Variants in KAZN observed in about 807,000 individuals in gnomAD.
KAZN encodes kazrin.
KAZN carries 40 observed loss-of-function variants against 87.4 expected under a neutral mutation model. That is an observed-to-expected ratio of 0.46 (90% CI 0.36 to 0.60). The LOEUF is 0.60. Ranked by LOEUF, KAZN falls within the 20% of genes least tolerant of loss-of-function variation. The pLI is 0.00. For synonymous variants in KAZN, 466 were observed against 458.3 expected (o/e 1.02, Z -0.22); for missense variants, 898 against 1,073.9 (o/e 0.84, Z 2.29).
intron 1 of KAZN, among the ~76,000 whole-genome samples, chr1:14,934,513 T>C (rs1213781103): frequency 6.6e-6 from 1 of 152,224 alleles, no homozygotes; most frequent in East Asian, 1.9e-4. Flanking sequence ...CCCTCCTTTT[T>C]CATAGCATAT....
chr1:14,316,575 C>A (rs1398641880), intron 2 of KAZN, among the ~76,000 whole-genome samples: 1 of 151,134 alleles, frequency 6.6e-6, no homozygotes, highest in Non-Finnish European at 1.5e-5. Context: ...GTTACCTTTA[C>A]TTTCCTTCTA....
At chr1:14,977,732 G>A (rs1220915331) in intron 2 of KAZN, among the ~76,000 whole-genome samples, 1 of 152,182 alleles carries the variant, frequency 6.6e-6, no homozygotes, top group African/African-American at 2.4e-5. Flanking sequence ...TGGCGCCCAG[G>A]AGAGAGGTCC....
intron 2 of KAZN, among the ~76,000 whole-genome samples, chr1:15,020,139 C>G (rs1670521165): frequency 6.6e-6 from 1 of 152,164 alleles, no homozygotes; most frequent in South Asian, 2.1e-4. Flanking sequence ...AGGCGGGTGT[C>G]TACTGACGTC....
intron 1 of KAZN, among the ~76,000 whole-genome samples, chr1:14,056,612 G>C (rs1355257974): frequency 1.3e-5 from 2 of 152,206 alleles, no homozygotes; most frequent in African/African-American, 4.8e-5. Flanking sequence ...AGCAGCAACA[G>C]AAAAGTAATA....
At position 13,978,971 on chromosome 1, in the gene KAZN, C is replaced by A. The variant is rs117160610; in HGVS notation, c.91+85215C>A. Among the ~76,000 whole-genome samples, 53 of 152,110 alleles carry A rather than the reference C, an allele frequency of 3.5e-4. No homozygotes were observed. In the East Asian group the frequency reaches 9.1e-3, roughly 26 times the overall value. ...AATTGCCAAGCATGGTGGCACATGC[C>A]TGTGGTCCCAACTACTTGGGAGGCT... On this transcript the variant is annotated intron_variant, in intron 1 of 16. Coordinates refer to the KAZN transcript ENST00000636203.
intron 2 of KAZN, among the ~76,000 whole-genome samples, chr1:14,249,222 C>T (rs1310306073): frequency 1.3e-5 from 2 of 152,172 alleles, no homozygotes; most frequent in Non-Finnish European, 2.9e-5. Flanking sequence ...TGGTTTGCTA[C>T]ACAGCAATGA....
intron 1 of KAZN, among the ~76,000 whole-genome samples, chr1:14,905,729 G>A (rs181547387): frequency 0.019 from 2,823 of 145,668 alleles, 63 homozygotes; most frequent in African/African-American, 0.057. Flanking sequence ...CTGTAATCCC[G>A]GCTACTCGGG....
chr1:14,718,566 G>A lies in KAZN; in HGVS notation c.226+119343G>A, dbSNP rs569257213. ...AATTATGTGTGATTCTCCTTTTTAT[G>A]TGTCCCTAACATTTAGTTTGCTTTT... On this transcript the variant is annotated intron_variant, in intron 1 of 14. Coordinates refer to ENST00000376030, the MANE Select transcript of KAZN (RefSeq NM_201628.3). Among the ~76,000 whole-genome samples, 3 of 152,268 alleles carry A rather than the reference G, an allele frequency of 2.0e-5. No individual in the cohort carries two copies. The South Asian group carries it at 6.2e-4, about 32-fold the overall frequency.
intron 1 of KAZN, among the ~76,000 whole-genome samples, chr1:14,654,393 G>A (rs1233578819): frequency 6.6e-6 from 1 of 152,076 alleles, no homozygotes; most frequent in Non-Finnish European, 1.5e-5. Context: ...GTCTGTTGGT[G>A]GACAGTCAGC....
intron 1 of KAZN, among the ~76,000 whole-genome samples, chr1:14,754,882 C>T (rs141900086): frequency 3.3e-5 from 5 of 152,124 alleles, no homozygotes; most frequent in Admixed American, 2.0e-4. Context: ...TGAACCTCTG[C>T]CTTTCCCCCA....
intron 1 of KAZN, among the ~76,000 whole-genome samples, chr1:13,915,331 GA>G (rs919941694): frequency 1.3e-5 from 2 of 152,042 alleles, no homozygotes; most frequent in African/African-American, 4.8e-5. Context: ...TTTCAAAGAA[GA>G]AAAAAATGCA....
chr1:14,047,531 C>T (rs1024227698), intron 1 of KAZN, among the ~76,000 whole-genome samples: 9 of 152,132 alleles, frequency 5.9e-5, no homozygotes, highest in Admixed American at 2.0e-4. Context: ...CACCACTGCT[C>T]GCCTGGTTGC....
chr1:14,793,245 C>T (rs774505129), intron 1 of KAZN, among the ~76,000 whole-genome samples: 8 of 152,066 alleles, frequency 5.3e-5, no homozygotes, highest in Non-Finnish European at 8.8e-5. Context: ...ATGGCATCTC[C>T]GGGGGTAGCC....
intron 2 of KAZN, among the ~76,000 whole-genome samples, chr1:14,463,483 A>T (rs35788652): frequency 6.6e-6 from 1 of 152,128 alleles, no homozygotes; most frequent in Non-Finnish European, 1.5e-5. Flanking sequence ...TATTAAGATT[A>T]GTATATTTCT....
At chr1:14,957,021 G>A (rs1557659149) in intron 1 of KAZN, among the ~76,000 whole-genome samples, 1 of 152,098 alleles carries the variant, frequency 6.6e-6, no homozygotes. Flanking sequence ...CTTCTCAAGG[G>A]TGTCCGAGTG....
chr1:14,292,124 A>C (rs997561558), intron 2 of KAZN, among the ~76,000 whole-genome samples: 1 of 152,124 alleles, frequency 6.6e-6, no homozygotes, highest in Non-Finnish European at 1.5e-5. Context: ...GACTTATAGT[A>C]TGTTGTATGT....
At chr1:14,670,158 A>G (rs734664) in intron 1 of KAZN, among the ~76,000 whole-genome samples, 45,766 of 138,690 alleles carry the variant, frequency 0.33, 8,052 homozygotes, top group African/African-American at 0.52. Context: ...CCCTTCTTCC[A>G]TCCTGCTTTT....
At chr1:14,288,004 C>A (rs1362489094) in intron 2 of KAZN, among the ~76,000 whole-genome samples, 1 of 152,192 alleles carries the variant, frequency 6.6e-6, no homozygotes, top group African/African-American at 2.4e-5. Context: ...TATGTCGAAC[C>A]AGCCTTGCAT....
At chr1:14,528,708 C>A (rs1487176174) in intron 2 of KAZN, among the ~76,000 whole-genome samples, 1 of 144,666 alleles carries the variant, frequency 6.9e-6, no homozygotes, top group East Asian at 2.0e-4. Flanking sequence ...ATGATGGTGC[C>A]ACTGCACTCT....
Sources: gnomAD v4.1 joint callset for allele counts (sites outside exome capture counted in the v4.1 genomes callset) on GRCh38, gnomAD v4.1.1 for gene constraint, MANE v1.5 for transcripts, NCBI Gene and HGNC (gene_info 2026-07-23, HGNC 2026-07-21) for gene names.